The following NCOR1 variants were observed in gnomAD, a reference collection of about 807,000 sequenced individuals.
NCOR1 encodes the protein nuclear receptor corepressor 1.
Under a neutral mutation model 288.1 loss-of-function variants are expected in NCOR1, and 63 were observed. The ratio of observed to expected loss-of-function variants is 0.22; its 90% CI spans 0.18 to 0.27. The LOEUF (loss-of-function observed/expected upper bound fraction) is 0.27. Ranked by LOEUF, NCOR1 falls within the 10% of genes least tolerant of loss-of-function variation. NCOR1 has a pLI of 1.00. For synonymous variants in NCOR1, 1,007 were observed against 1,065.9 expected (o/e 0.94, Z 1.08); for missense variants, 2,397 against 3,019.2 (o/e 0.79, Z 4.83).
chr17:16,208,294 G>A (rs112374517), intron 1 of NCOR1, among the ~76,000 whole-genome samples: 2 of 138,276 alleles, frequency 1.4e-5, no homozygotes, highest in African/African-American at 5.4e-5. Flanking sequence ...TCTTGACCTC[G>A]TGATCCACCT....
chr17:16,106,006 A>G (rs545195689), intron 19 of NCOR1, among the ~76,000 whole-genome samples: 18 of 152,250 alleles, frequency 1.2e-4, no homozygotes, highest in African/African-American at 4.3e-4. Flanking sequence ...AGGCTGAGGC[A>G]GGGGAATTGC....
intron 43 of NCOR1, 173 bp from the exon 44 acceptor site, chr17:16,039,827 C>CG: frequency 1.6e-6 from 1 of 613,498 alleles, no homozygotes; most frequent in Non-Finnish European, 2.8e-6. Flanking sequence ...CTCTCTCTGT[C>CG]GCACCCAGGC....
intron 40 of NCOR1, among the ~76,000 whole-genome samples, chr17:16,054,628 C>A (rs2059708889): frequency 6.6e-6 from 1 of 152,092 alleles, no homozygotes; most frequent in South Asian, 2.1e-4. Flanking sequence ...TATCACTGAT[C>A]ATTAGAGAAG....
Position 16,092,685 on chromosome 17 carries a change from A to T in NCOR1, c.2821-627T>A, listed in dbSNP as rs1567959727. Reference sequence around the variant, plus strand: ...TATATATATATATATATATATATATATATATATATATTTTTTTTTTTTTTT... The same window carrying T: ...TATATATATATATATATATATATATTTATATATATATTTTTTTTTTTTTTT... On this transcript the variant is annotated intron_variant, in intron 21 of 45. Coordinates refer to ENST00000268712, the MANE Select transcript of NCOR1 (RefSeq NM_006311.4). 2.2e-3 allele frequency among the ~76,000 whole-genome samples: 30 copies of T among 13,842 alleles called. 1 individual carries two copies. The East Asian group carries it at 0.061, about 28-fold the overall frequency. 9.1% of individuals were successfully genotyped at this position (13,842 alleles called of 152,430 possible).
At chr17:16,201,268 T>C (rs1038941336) in intron 1 of NCOR1, among the ~76,000 whole-genome samples, 1 of 152,208 alleles carries the variant, frequency 6.6e-6, no homozygotes, top group African/African-American at 2.4e-5. Flanking sequence ...TTAATAAGGA[T>C]ATAATTATTT....
chr17:16,132,345 G>A (rs1045684677), intron 14 of NCOR1, among the ~76,000 whole-genome samples: 3 of 152,058 alleles, frequency 2.0e-5, no homozygotes, highest in African/African-American at 7.3e-5. Flanking sequence ...AGTTTATGTT[G>A]GAAAAATGCA....
intron 1 of NCOR1, among the ~76,000 whole-genome samples, chr17:16,209,677 T>C (rs2091932307): frequency 6.7e-6 from 1 of 148,702 alleles, no homozygotes; most frequent in Non-Finnish European, 1.5e-5. Context: ...CTCGGCCAAG[T>C]GCGATGGCTC....
Position 16,057,602 on chromosome 17 carries a change from T to C in NCOR1, c.6304A>G (p.Ser2102Gly). ...ACAGACTGAGCCTGGGATTCTGGGC[T>C]GTAACGGTTTGATGTTTTAGTCCTC... is the stretch of plus-strand genomic sequence containing the variant. Reference protein sequence around the residue: ...PVRTKTSNRYSPESQAQSVHH... With the variant: ...PVRTKTSNRYGPESQAQSVHH... The change falls in exon 40 of 46, where the codon AGC becomes GGC. Residue 2102 changes from serine to glycine, a missense_variant. Ser to Gly is a moderately conservative substitution (Grantham distance 56, BLOSUM62 0). This residue lies in a region of NCOR1 where 1,872 missense variants were observed against 2,187.8 expected (regional missense o/e 0.86). Coordinates refer to ENST00000268712, the MANE Select transcript of NCOR1 (RefSeq NM_006311.4). 3 of 1,614,180 alleles carry C rather than the reference T, an allele frequency of 1.9e-6. No homozygotes were observed. Among genetic ancestry groups the C allele is most frequent in the South Asian group, 2.2e-5 (2 of 91,086 alleles).
intron 1 of NCOR1, among the ~76,000 whole-genome samples, chr17:16,197,144 A>C (rs1468929810): frequency 1.3e-5 from 2 of 151,974 alleles, no homozygotes; most frequent in Non-Finnish European, 2.9e-5. Context: ...GCATGGTGAA[A>C]CCTGGTCTCT....
At chr17:16,202,319 T>C (rs1211381548) in intron 1 of NCOR1, among the ~76,000 whole-genome samples, 1 of 150,686 alleles carries the variant, frequency 6.6e-6, no homozygotes, top group Admixed American at 6.6e-5. Context: ...GAGAATCACT[T>C]GAACCTGGGA....
chr17:16,066,631 T>C (rs940963910), intron 32 of NCOR1, among the ~76,000 whole-genome samples: 15 of 152,190 alleles, frequency 9.9e-5, no homozygotes, highest in Non-Finnish European at 2.1e-4. Flanking sequence ...TTCTGGAATA[T>C]TTGCTTCCCC....
intron 10 of NCOR1, 77 bp from the exon 11 acceptor site, chr17:16,143,773 AC>A: frequency 9.2e-7 from 1 of 1,087,974 alleles, no homozygotes. Context: ...ACTATAGATT[AC>A]TTTTCTGAAT....
chr17:16,099,470 T>C (rs1448524582), intron 20 of NCOR1, among the ~76,000 whole-genome samples: 1 of 152,230 alleles, frequency 6.6e-6, no homozygotes, highest in Non-Finnish European at 1.5e-5. Context: ...TTTCGGTCAT[T>C]TGGGAGCAGT....
chr17:16,186,045 C>G (rs1364112391), intron 3 of NCOR1, among the ~76,000 whole-genome samples: 1 of 152,152 alleles, frequency 6.6e-6, no homozygotes, highest in Non-Finnish European at 1.5e-5. Flanking sequence ...CATGCATGTA[C>G]AGGACCTACA....
chr17:16,187,701 T>G (rs970258729), intron 2 of NCOR1, among the ~76,000 whole-genome samples: 1 of 151,686 alleles, frequency 6.6e-6, no homozygotes, highest in East Asian at 1.9e-4. Flanking sequence ...CCCCACAGAT[T>G]CAAGACTAGT....
At chr17:16,191,590 T>TTA (rs1555800887) in intron 2 of NCOR1, among the ~76,000 whole-genome samples, 7 of 151,088 alleles carry the variant, frequency 4.6e-5, no homozygotes, top group African/African-American at 7.3e-5. Context: ...CTAATGGATT[T>TTA]AAAAAAAATA....
intron 45 of NCOR1, among the ~76,000 whole-genome samples, chr17:16,034,445 G>A (rs1015379150): frequency 3.3e-5 from 5 of 151,832 alleles, no homozygotes; most frequent in African/African-American, 1.2e-4. Flanking sequence ...AAATTAAAAT[G>A]AAAATGAAAA....
chr17:16,045,101 G>T (rs1436795280), intron 42 of NCOR1: 2 of 303,566 alleles, frequency 6.6e-6, no homozygotes, highest in Admixed American at 4.8e-5. Context: ...GTTAGTACAA[G>T]TGAGTGCTGA....
intron 42 of NCOR1, among the ~76,000 whole-genome samples, chr17:16,041,893 T>G (rs961969435): frequency 1.3e-5 from 2 of 152,152 alleles, no homozygotes; most frequent in Non-Finnish European, 2.9e-5. Context: ...CCCGCCACTA[T>G]GCCTGGCTAA....
Sources: allele counts gnomAD v4.1 joint callset (sites outside exome capture counted in the v4.1 genomes callset), GRCh38; gene constraint gnomAD v4.1.1; regional missense constraint gnomAD v4.1.1; transcripts MANE v1.5; gene names NCBI Gene and HGNC (gene_info 2026-07-23, HGNC 2026-07-21).